Variants in ZNF469 observed in about 807,000 individuals in gnomAD.
ZNF469 encodes zinc finger protein 469.
A neutral mutation model predicts 1.0 loss-of-function variants in ZNF469; 1 was observed. The observed-to-expected ratio is 1.00, with a 90% CI of 0.35 to 4.73. ZNF469 has a LOEUF of 4.73. Ranked by LOEUF, ZNF469 falls within the 30% of genes most tolerant of loss-of-function variation. The pLI is 0.16. For missense variants in ZNF469, 6,100 were observed against 5,356.3 expected (o/e 1.14, Z -4.33); for synonymous variants, 2,703 against 2,363.4 (o/e 1.14, Z -4.17).
At chr16:88,305,072 A>G in the ZNF469 span, among the ~76,000 whole-genome samples, 1 of 152,172 alleles carries the variant, frequency 6.6e-6, no homozygotes. Context: ...ACACCCACAC[A>G]GAGCAAATGC....
the ZNF469 span, among the ~76,000 whole-genome samples, chr16:88,355,227 A>G: frequency 6.6e-6 from 1 of 152,170 alleles, no homozygotes; most frequent in Non-Finnish European, 1.5e-5. Flanking sequence ...AGACAGCTGA[A>G]CACCCATGGC....
the ZNF469 span, among the ~76,000 whole-genome samples, chr16:88,306,372 G>A: frequency 1.1e-4 from 16 of 152,254 alleles, no homozygotes; most frequent in South Asian, 6.2e-4. Context: ...TGGAGCTCTC[G>A]CACTAGCCTG....
At chr16:88,248,929 C>A in the ZNF469 span, among the ~76,000 whole-genome samples, 4 of 152,150 alleles carry the variant, frequency 2.6e-5, no homozygotes, top group Non-Finnish European at 4.4e-5. Context: ...CAGTCTTTCC[C>A]TCCCCGCTGT....
rs1379177223 is a variant in ZNF469 at position 88,432,470 on chromosome 16, G to A, written c.5000G>A (p.Gly1667Glu). ...TWPCPASFHP[G>E]HAALLPCAQE... ...CCCTGCCCAGCCTCCTTCCATCCGG[G>A]ACATGCAGCCCTTCTCCCCTGTGCC... The change falls in exon 3 of 3, where the codon GGA (glycine) becomes GAA (glutamate). Residue 1667 changes from glycine (G) to glutamate (E), a missense_variant. Transcript: ENST00000565624. The A allele has an allele frequency of 6.5e-7, 1 of 1,550,362 alleles. No individual in the cohort carries two copies. The highest frequency in any genetic ancestry group is 2.0e-5 in the Admixed American group (1 of 51,008).
At chr16:88,423,104 AT>A (rs1905550272) in intron 1 of ZNF469, among the ~76,000 whole-genome samples, 1 of 138,034 alleles carries the variant, frequency 7.2e-6, no homozygotes. Flanking sequence ...TGATGGATGG[AT>A]GGGTGGATGG....
At chr16:88,244,320 G>A in the ZNF469 span, among the ~76,000 whole-genome samples, 2 of 151,456 alleles carry the variant, frequency 1.3e-5, no homozygotes, top group African/African-American at 4.9e-5. Flanking sequence ...TGGTTGGATG[G>A]ATGGGTGGAT....
the ZNF469 span, among the ~76,000 whole-genome samples, chr16:88,285,247 C>T: frequency 2.6e-5 from 4 of 152,378 alleles, no homozygotes; most frequent in Non-Finnish European, 2.9e-5. Flanking sequence ...CCCCGCCTCC[C>T]GCAATGGAGC....
At chr16:88,187,275 G>T in the ZNF469 span, among the ~76,000 whole-genome samples, 5 of 152,234 alleles carry the variant, frequency 3.3e-5, no homozygotes, top group African/African-American at 1.2e-4. Flanking sequence ...GGTCCGACCG[G>T]ACCCCGCAGA....
the ZNF469 span, among the ~76,000 whole-genome samples, chr16:88,329,792 G>C: frequency 2.0e-5 from 3 of 152,246 alleles, no homozygotes; most frequent in African/African-American, 7.2e-5. Flanking sequence ...GCAACCCCAA[G>C]GTGAGAACAA....
At chr16:88,226,340 G>C in the ZNF469 span, among the ~76,000 whole-genome samples, 3 of 152,070 alleles carry the variant, frequency 2.0e-5, no homozygotes, top group East Asian at 5.8e-4. Flanking sequence ...GAGGCTGGGA[G>C]AAGAGAGGCG....
chr16:88,325,699 A>T, the ZNF469 span, among the ~76,000 whole-genome samples: 1 of 152,210 alleles, frequency 6.6e-6, no homozygotes, highest in African/African-American at 2.4e-5. Flanking sequence ...TGACTTGTTC[A>T]ATGTCACCCC....
the ZNF469 span, among the ~76,000 whole-genome samples, chr16:88,237,176 T>C: frequency 1.0e-4 from 10 of 96,964 alleles, no homozygotes; most frequent in African/African-American, 1.5e-4. Context: ...TCCTTGCTCC[T>C]GCCACTCACC....
the ZNF469 span, among the ~76,000 whole-genome samples, chr16:88,359,760 C>A: frequency 6.6e-6 from 1 of 152,190 alleles, no homozygotes; most frequent in Admixed American, 6.5e-5. Context: ...CTTCCCCCAA[C>A]ATTGGATCTG....
the ZNF469 span, among the ~76,000 whole-genome samples, chr16:88,256,950 CT>C: frequency 0.43 from 8,703 of 20,204 alleles, 1,099 homozygotes; most frequent in Middle Eastern, 0.6. Flanking sequence ...TTCTTTCTTT[CT>C]TTTCTTTTCT....
At chr16:88,420,941 C>T (rs537110696) in intron 1 of ZNF469, among the ~76,000 whole-genome samples, 23 of 151,442 alleles carry the variant, frequency 1.5e-4, no homozygotes, top group Middle Eastern at 3.4e-3. Flanking sequence ...GAGTGGGGGT[C>T]GGGAGGAAGG....
chr16:88,317,227 T>G, the ZNF469 span, among the ~76,000 whole-genome samples: 2 of 152,214 alleles, frequency 1.3e-5, no homozygotes, highest in African/African-American at 4.8e-5. Context: ...AGTTCCCAAC[T>G]GCCTCTCCAG....
the ZNF469 span, among the ~76,000 whole-genome samples, chr16:88,247,230 GGGA>G: frequency 1.0e-5 from 1 of 95,758 alleles, no homozygotes; most frequent in East Asian, 3.6e-4. Context: ...GAGTGAATGA[GGGA>G]GTGAATGGTG....
At chr16:88,135,748 G>GTTTTTTTCTT in the ZNF469 span, among the ~76,000 whole-genome samples, 1 of 66,924 alleles carries the variant, frequency 1.5e-5, no homozygotes, top group Non-Finnish European at 3.0e-5. Flanking sequence ...AGCTGGCCAT[G>GTTTTTTTCTT]TTTTTTTTTT....
the ZNF469 span, among the ~76,000 whole-genome samples, chr16:88,146,061 C>T: frequency 6.6e-5 from 10 of 152,386 alleles, no homozygotes; most frequent in African/African-American, 1.7e-4. Flanking sequence ...TCCCTCCACA[C>T]GGTGCCCGGT....
Sources: allele counts gnomAD v4.1 joint callset (sites outside exome capture counted in the v4.1 genomes callset), GRCh38; gene constraint gnomAD v4.1.1; transcripts MANE v1.5; gene names NCBI Gene and HGNC (gene_info 2026-07-23, HGNC 2026-07-21).